CCDC66: variants seen among roughly 807,000 people sequenced by gnomAD.
CCDC66 encodes the protein coiled-coil domain containing 66.
CCDC66 carries 133 observed loss-of-function variants against 128.3 expected under a neutral mutation model. The observed-to-expected ratio is 1.04, with a 90% CI of 0.90 to 1.20. The LOEUF (loss-of-function observed/expected upper bound fraction) is 1.20. Ranked by LOEUF, CCDC66 falls within the 50% of genes most tolerant of loss-of-function variation. The pLI is 0.00. For missense variants in CCDC66, 1,126 were observed against 1,075.5 expected, an observed-to-expected ratio of 1.05 and a Z score of -0.66; for synonymous variants, 387 against 357.0, an observed-to-expected ratio of 1.08 and a Z score of -0.95.
At chr3:56,561,138 T>C in intron 3 of CCDC66, 1 of 448,058 alleles carries the variant, frequency 2.2e-6, no homozygotes, top group Non-Finnish European at 4.5e-6. Flanking sequence ...TCCTACCCCT[T>C]TCCCTATTAA....
intron 6 of CCDC66, 36 bp downstream of exon 6, chr3:56,567,089 G>A (rs368111129): frequency 1.6e-4 from 234 of 1,502,266 alleles, no homozygotes; most frequent in Non-Finnish European, 2.1e-4. Context: ...TAGTTTTATT[G>A]GCTTAAAGAA....
chr3:56,561,162 C>T (rs893784567), intron 3 of CCDC66: 8 of 451,184 alleles, frequency 1.8e-5, no homozygotes, highest in African/African-American at 1.2e-4. Context: ...TTGCAACTAA[C>T]TGCTGTTATT....
chr3:56,583,376 A>G (rs1220590242), intron 7 of CCDC66, among the ~76,000 whole-genome samples: 2 of 151,826 alleles, frequency 1.3e-5, no homozygotes, highest in Non-Finnish European at 2.9e-5. Flanking sequence ...ATAGGACAAT[A>G]GTGGAGGGAA....
chr3:56,572,664 A>T, intron 7 of CCDC66: 1 of 168,010 alleles, frequency 6.0e-6, no homozygotes. Context: ...TAAAGAGATG[A>T]TTCTGGTGGT....
In CCDC66 at chr3:56,566,528, A is replaced by C; in HGVS notation, c.545-66A>C. 5 of 1,051,742 alleles carry C rather than the reference A, an allele frequency of 4.8e-6. No homozygotes were observed. The South Asian group carries it at 7.2e-5, about 15-fold the overall frequency. The allele number at this position is 1,051,742 out of a possible 1,614,324, so 65.2% of individuals were successfully genotyped here. On this transcript the variant is annotated intron_variant, in intron 4 of 17. Coordinates refer to ENST00000394672, the MANE Select transcript of CCDC66 (RefSeq NM_001141947.3). ...GTAAGACATGTAAGAACTGTATAGC[A>C]CTATGCCAAGTATTATAACAGATGT...
rs937192822 is a variant in CCDC66 at position 56,565,286 on chromosome 3, T to G, written c.544+1161T>G. The G allele has an allele frequency of 6.3e-5, 12 of 190,268 alleles. 1 individual carries two copies. Among genetic ancestry groups the G allele is most frequent in the African/African-American group, 1.9e-4 (8 of 41,892 alleles). 11.8% of individuals were successfully genotyped at this position (190,268 alleles called of 1,614,324 possible). ...AATTTTTATTTTATTTATTTATTTATTTTTTGAGATGGGGTCTCGCTTTGT... is the reference window on the plus strand; with the variant it reads ...AATTTTTATTTTATTTATTTATTTAGTTTTTGAGATGGGGTCTCGCTTTGT... On this transcript the variant is annotated intron_variant, in intron 4 of 17. Coordinates refer to ENST00000394672, the MANE Select transcript of CCDC66 (RefSeq NM_001141947.3).
intron 10 of CCDC66, among the ~76,000 whole-genome samples, chr3:56,609,845 G>C (rs997011424): frequency 6.6e-6 from 1 of 152,082 alleles, no homozygotes; most frequent in African/African-American, 2.4e-5. Flanking sequence ...GCTTAGTTTT[G>C]CCAAATACAA....
At position 56,593,066 on chromosome 3, in the gene CCDC66, CAAAGAAAAATA is replaced by C. The variant is rs1337059026; in HGVS notation, c.1034_1044del (p.Gln345ArgfsTer10). On this transcript the variant is annotated frameshift_variant, in exon 8 of 18. Transcript: ENST00000394672. LOFTEE classifies it high-confidence loss of function. ...GAATAAGCAAATAGAAGATGACCGT[CAAAGAAAAATA>C]GAGGAAAAAATTATATATTCAAAGG... The C allele has an allele frequency of 6.2e-7, 1 of 1,601,922 alleles. No individual in the cohort carries two copies. The highest frequency in any genetic ancestry group is 2.3e-5 in the East Asian group (1 of 44,412).
intron 7 of CCDC66, among the ~76,000 whole-genome samples, chr3:56,591,261 T>C (rs2070843120): frequency 6.6e-6 from 1 of 152,240 alleles, no homozygotes; most frequent in Non-Finnish European, 1.5e-5. Flanking sequence ...GTTATGAATA[T>C]AGATAAAACA....
At chr3:56,560,802 T>C (rs1195855999) in intron 3 of CCDC66, 11 of 433,396 alleles carry the variant, frequency 2.5e-5, no homozygotes, top group South Asian at 1.9e-4. Context: ...TTTAGATTAA[T>C]ATCAGTAGGA....
At position 56,594,136 on chromosome 3, in the gene CCDC66, G is replaced by A. The variant is rs967171613; in HGVS notation, c.1404+108G>A. On this transcript the variant is annotated intron_variant, in intron 10 of 17. Coordinates refer to ENST00000394672, the MANE Select transcript of CCDC66 (RefSeq NM_001141947.3). ...TTCTGATGTAAACTTTACAGCATAGGTCCTGTCCAGTTGTGTCACGAATCC... is the reference window on the plus strand; with the variant it reads ...TTCTGATGTAAACTTTACAGCATAGATCCTGTCCAGTTGTGTCACGAATCC... 16 of 959,862 alleles carry A rather than the reference G, an allele frequency of 1.7e-5. No homozygotes were observed. The Admixed American group carries it at 2.1e-4, about 13-fold the overall frequency. The allele number at this position is 959,862 out of a possible 1,614,324, so 59.5% of individuals were successfully genotyped here.
intron 7 of CCDC66, among the ~76,000 whole-genome samples, chr3:56,582,091 T>A (rs2068486533): frequency 6.6e-6 from 1 of 151,934 alleles, no homozygotes. Flanking sequence ...CTGCTTTGTT[T>A]ACCTACTCAA....
At chr3:56,570,327 G>GT (rs1467527635) in intron 6 of CCDC66, 1 of 152,070 alleles carries the variant, frequency 6.6e-6, no homozygotes, top group Middle Eastern at 3.2e-3. Context: ...AGGCTTTTAT[G>GT]TTTTTTACTT....
intron 10 of CCDC66, among the ~76,000 whole-genome samples, chr3:56,611,478 A>G (rs555106433): frequency 2.8e-5 from 4 of 140,990 alleles, no homozygotes; most frequent in East Asian, 2.1e-4. Flanking sequence ...GGGCCCAGCT[A>G]TGAAAGAAGA....
intron 1 of CCDC66, among the ~76,000 whole-genome samples, chr3:56,558,515 C>G (rs1043315935): frequency 5.3e-5 from 8 of 152,084 alleles, no homozygotes; most frequent in Admixed American, 3.9e-4. Flanking sequence ...TATCTTGTTC[C>G]TTTAACTTAT....
intron 10 of CCDC66, among the ~76,000 whole-genome samples, chr3:56,611,015 T>C (rs1305509062): frequency 6.6e-6 from 1 of 152,028 alleles, no homozygotes; most frequent in Non-Finnish European, 1.5e-5. Context: ...GCTTTGATGG[T>C]TTAATGCTCT....
In CCDC66 at chr3:56,563,763, G is replaced by A. The variant is rs766679328; in HGVS notation, c.182G>A (p.Cys61Tyr). ...GHILKSTQDT[C>Y]IGSEKLLQKK... is the part of the protein sequence containing the mutation. ...ATTCTAAAATCAACACAAGATACTT[G>A]TATTGGGAGTGAAAAACTTTTGCAA... Residue 61 changes from cysteine (C) to tyrosine (Y), a missense_variant, in exon 4 of 18, where the codon TGT (cysteine) becomes TAT (tyrosine). Coordinates refer to ENST00000394672, the MANE Select transcript of CCDC66 (RefSeq NM_001141947.3). 4.1e-5 allele frequency: 63 copies of A among 1,551,682 alleles called. No individual in the cohort carries two copies. Among genetic ancestry groups the A allele is most frequent in the East Asian group, 1.2e-4 (5 of 40,884 alleles).
chr3:56,584,994 A>G (rs1053327732), intron 7 of CCDC66, among the ~76,000 whole-genome samples: 3 of 151,452 alleles, frequency 2.0e-5, no homozygotes, highest in African/African-American at 7.3e-5. Flanking sequence ...CGGCAGGCTG[A>G]GGCGGGAGAA....
intron 7 of CCDC66, chr3:56,572,536 A>T: frequency 3.6e-6 from 1 of 275,408 alleles, no homozygotes; most frequent in Non-Finnish European, 6.5e-6. Context: ...TTTAGTTATC[A>T]GTTAATTTTT....
Sources: allele counts gnomAD v4.1 joint callset (sites outside exome capture counted in the v4.1 genomes callset), GRCh38; gene constraint gnomAD v4.1.1; transcripts MANE v1.5; gene names NCBI Gene and HGNC (gene_info 2026-07-23, HGNC 2026-07-21).